Variants in ACTN2 observed in about 807,000 individuals in gnomAD.
ACTN2 encodes alpha-actinin-2.
ACTN2 carries 39 observed loss-of-function variants against 113.8 expected under a neutral mutation model. That is an observed-to-expected ratio of 0.34 (90% CI 0.27 to 0.45). The LOEUF is 0.45. Ranked by LOEUF, ACTN2 falls within the 20% of genes least tolerant of loss-of-function variation. The pLI, the probability that ACTN2 is intolerant of heterozygous loss-of-function variation, is 1.00. For synonymous variants in ACTN2, 429 were observed against 444.1 expected (o/e 0.97, Z 0.43); for missense variants, 992 against 1,177.9 (o/e 0.84, Z 2.31).
At chr1:236,718,450 G>C (rs999331821) in intron 2 of ACTN2, among the ~76,000 whole-genome samples, 2 of 152,182 alleles carry the variant, frequency 1.3e-5, no homozygotes, top group South Asian at 2.1e-4. Context: ...AGTGTGACTG[G>C]GAAGGATTAT....
At chr1:236,752,251 C>G (rs1275270177) in intron 15 of ACTN2, among the ~76,000 whole-genome samples, 1 of 152,108 alleles carries the variant, frequency 6.6e-6, no homozygotes, top group African/African-American at 2.4e-5. Context: ...TTAGTCATCT[C>G]AGTATGCCAA....
chr1:236,737,850 G>C (rs1367143232), intron 9 of ACTN2, among the ~76,000 whole-genome samples: 1 of 152,184 alleles, frequency 6.6e-6, no homozygotes, highest in Non-Finnish European at 1.5e-5. Flanking sequence ...AGCATACGTA[G>C]CGACTACGCA....
Position 236,727,696 on chromosome 1 carries a change from A to G in ACTN2, c.555A>G (p.Gly185=). 1 of 1,613,538 alleles carries G rather than the reference A, an allele frequency of 6.2e-7. No homozygotes were observed. The part of the protein sequence containing the change: ...NFHTSWKDGL[G]LCALIHRHRP... ...TGTGAAGCTGGAAAGATGGCCTTGG[A>G]CTCTGTGCCCTCATCCACCGACACC... The change falls in exon 6 of 21, where the codon GGA becomes GGG. Residue 185 remains glycine (G), a synonymous_variant. Transcript: ENST00000366578.
intron 9 of ACTN2, among the ~76,000 whole-genome samples, chr1:236,737,499 A>G (rs1658924572): frequency 6.6e-6 from 1 of 150,592 alleles, no homozygotes; most frequent in Non-Finnish European, 1.5e-5. Flanking sequence ...TTCTCTGCTC[A>G]GCTCTGCACC....
chr1:236,761,072 G>C lies in ACTN2; in HGVS notation c.2425G>C (p.Val809Leu). 1 of 1,614,116 alleles carries C rather than the reference G, an allele frequency of 6.2e-7. No individual in the cohort carries two copies. The change falls in exon 20 of 21, where the codon GTC becomes CTC. Residue 809 changes from valine to leucine, a missense_variant. Physicochemically the swap from Val to Leu is conservative, Grantham distance 32 (BLOSUM62 1). This residue lies in a region of ACTN2 where 736 missense variants were observed against 815.4 expected (regional missense o/e 0.90). Transcript: ENST00000366578. ...GGTAGATCCCAACGGGCAAGGCACC[G>C]TCACCTTCCAATCCTTCATCGACTT... ...TLVDPNGQGT[V>L]TFQSFIDFMT...
chr1:236,745,746 T>C (rs190394185), intron 12 of ACTN2, among the ~76,000 whole-genome samples: 50 of 152,334 alleles, frequency 3.3e-4, no homozygotes, highest in African/African-American at 1.2e-3. Context: ...AACATTTTAT[T>C]TCCTACTCCT....
intron 4 of ACTN2, among the ~76,000 whole-genome samples, chr1:236,723,585 C>G (rs977896255): frequency 6.6e-6 from 1 of 152,120 alleles, no homozygotes; most frequent in Non-Finnish European, 1.5e-5. Context: ...CCTGCCTTAG[C>G]CTCCCAAGTA....
rs948939763 is a variant in ACTN2, at chr1:236,697,325, C to CA, written c.126+10534dup. Among the ~76,000 whole-genome samples the CA allele has an allele frequency of 7.3e-5, 11 of 151,478 alleles. No individual in the cohort carries two copies. In the East Asian group the frequency reaches 7.8e-4, roughly 11 times the overall value. On this transcript the variant is annotated intron_variant, in intron 1 of 20. Coordinates refer to ENST00000366578, the MANE Select transcript of ACTN2 (RefSeq NM_001103.4). ...TGGGCAACAGAGCAAGACCCTGTCT[C>CA]AAAAAAAATATGGGGAATTTGGATT... is the stretch of plus-strand genomic sequence containing the variant.
At chr1:236,699,998 C>A (rs1657626565) in intron 1 of ACTN2, among the ~76,000 whole-genome samples, 1 of 152,080 alleles carries the variant, frequency 6.6e-6, no homozygotes, top group African/African-American at 2.4e-5. Context: ...TTTCCCAAGG[C>A]CCCCTACTTC....
chr1:236,694,024 T>G (rs1449568737), intron 1 of ACTN2, among the ~76,000 whole-genome samples: 6 of 152,048 alleles, frequency 3.9e-5, no homozygotes, highest in Non-Finnish European at 8.8e-5. Context: ...GTCTCTTCCA[T>G]AGACCCTCCC....
At chr1:236,753,869 G>GAAAAATACCCCAA in intron 15 of ACTN2, 78 bp from the exon 16 acceptor site, 1 of 1,250,292 alleles carries the variant, frequency 8.0e-7, no homozygotes, top group Non-Finnish European at 1.1e-6. Flanking sequence ...CCACCCCTTG[G>GAAAAATACCCCAA]ACTATTCCCG....
chr1:236,759,690 G>C (rs1417440821), intron 18 of ACTN2, 34 bp from the exon 19 acceptor site: 2 of 1,597,284 alleles, frequency 1.3e-6, no homozygotes, highest in South Asian at 2.2e-5. Context: ...CTTGCCCTGT[G>C]CTCACCTGCT....
intron 1 of ACTN2, among the ~76,000 whole-genome samples, chr1:236,716,641 A>G (rs994831803): frequency 7.2e-5 from 11 of 151,974 alleles, no homozygotes; most frequent in African/African-American, 2.7e-4. Context: ...ATATGCTTGT[A>G]GGAGGTTATT....
intron 7 of ACTN2, 41 bp downstream of exon 7, chr1:236,731,355 A>T: frequency 6.7e-7 from 1 of 1,499,754 alleles, no homozygotes; most frequent in Non-Finnish European, 9.3e-7. Context: ...AGGAAATTTG[A>T]AGACTACAAA....
chr1:236,724,641 C>G (rs1658495174), intron 4 of ACTN2, among the ~76,000 whole-genome samples: 1 of 152,210 alleles, frequency 6.6e-6, no homozygotes. Context: ...ATAGGGGTGT[C>G]TCAGCTCTGC....
At chr1:236,711,260 G>A (rs1658016670) in intron 1 of ACTN2, among the ~76,000 whole-genome samples, 4 of 152,316 alleles carry the variant, frequency 2.6e-5, no homozygotes, top group Middle Eastern at 3.4e-3. Flanking sequence ...GTCTTCCACC[G>A]CATTTCCATC....
At chr1:236,689,759 G>A (rs1383028394) in intron 1 of ACTN2, among the ~76,000 whole-genome samples, 1 of 152,134 alleles carries the variant, frequency 6.6e-6, no homozygotes, top group African/African-American at 2.4e-5. Flanking sequence ...AAGTAAATTG[G>A]GACCTCTTCA....
intron 1 of ACTN2, among the ~76,000 whole-genome samples, chr1:236,713,581 A>G (rs1431676108): frequency 6.6e-6 from 1 of 152,262 alleles, no homozygotes; most frequent in East Asian, 1.9e-4. Flanking sequence ...AAAGGGAAAA[A>G]AAAGACGTGT....
intron 8 of ACTN2, 84 bp downstream of exon 8, chr1:236,735,804 C>A (rs983821541): frequency 8.7e-7 from 1 of 1,149,304 alleles, no homozygotes; most frequent in Non-Finnish European, 1.3e-6. Context: ...TGTGTTTGTG[C>A]GCTTCACATC....
Sources: allele counts gnomAD v4.1 joint callset (sites outside exome capture counted in the v4.1 genomes callset), GRCh38; gene constraint gnomAD v4.1.1; regional missense constraint gnomAD v4.1.1; transcripts MANE v1.5; gene names NCBI Gene and HGNC (gene_info 2026-07-23, HGNC 2026-07-21).